The following TULP4 variants were observed in gnomAD, a reference collection of about 807,000 sequenced individuals.
The protein encoded by TULP4 is TUB like protein 4.
Under a neutral mutation model 129.0 loss-of-function variants are expected in TULP4, and 16 were observed. The observed-to-expected ratio is 0.12, with a 90% CI of 0.08 to 0.19. The LOEUF is 0.19. Among genes scored for constraint, TULP4 ranks in the 10% least tolerant of loss-of-function variants. The pLI is 1.00. For synonymous variants in TULP4, 998 were observed against 854.0 expected (o/e 1.17, Z -2.94); for missense variants, 1,842 against 2,059.1 (o/e 0.89, Z 2.04).
intron 1 of TULP4, among the ~76,000 whole-genome samples, chr6:158,349,858 C>A (rs1425298550): frequency 7.3e-6 from 1 of 136,876 alleles, no homozygotes. Context: ...TCCTCACCTC[C>A]CAGACGGGGC....
intron 3 of TULP4, among the ~76,000 whole-genome samples, chr6:158,430,130 A>C (rs1387820362): frequency 1.3e-5 from 2 of 152,236 alleles, no homozygotes; most frequent in Admixed American, 6.5e-5. Context: ...TAATTATATA[A>C]AATGTTCATA....
intron 4 of TULP4, among the ~76,000 whole-genome samples, chr6:158,450,579 A>T (rs1265635382): frequency 6.6e-6 from 1 of 152,192 alleles, no homozygotes; most frequent in Admixed American, 6.5e-5. Context: ...AAAGCAATTT[A>T]GGAATTAACC....
chr6:158,376,202 G>A (rs147099850), intron 1 of TULP4, among the ~76,000 whole-genome samples: 6 of 152,306 alleles, frequency 3.9e-5, no homozygotes, highest in Admixed American at 6.5e-5. Flanking sequence ...TTAAAAAAGC[G>A]GTAACCATTT....
In TULP4 at chr6:158,327,144, A is replaced by G. The variant is rs146397508; in HGVS notation, c.252+12876A>G. ...GTTGTAAGGATTCAGTGGTTACTAT[A>G]GCCATTTAGAAAAGTGGCTGGCACA... On this transcript the variant is annotated intron_variant, in intron 1 of 13. Coordinates refer to ENST00000367097, the MANE Select transcript of TULP4 (RefSeq NM_020245.5). Among the ~76,000 whole-genome samples the G allele has an allele frequency of 3.8e-4, 58 of 152,276 alleles. 1 individual carries two copies. The highest frequency in any genetic ancestry group is 1.0e-3 in the Admixed American group (16 of 15,298).
chr6:158,482,541 G>A (rs1186865452), intron 8 of TULP4, among the ~76,000 whole-genome samples: 1 of 152,200 alleles, frequency 6.6e-6, no homozygotes, highest in East Asian at 1.9e-4. Context: ...TCAGGAGGAA[G>A]GAAGGCACAG....
intron 12 of TULP4, 43 bp from the exon 13 acceptor site, chr6:158,501,635 G>C: frequency 6.4e-7 from 1 of 1,566,878 alleles, no homozygotes; most frequent in Non-Finnish European, 8.7e-7. Flanking sequence ...TGGTTTAATG[G>C]CAGTGTTTTT....
intron 6 of TULP4, among the ~76,000 whole-genome samples, chr6:158,467,175 C>G (rs1779571775): frequency 1.3e-5 from 2 of 152,048 alleles, no homozygotes; most frequent in Admixed American, 6.5e-5. Flanking sequence ...TTTTTACCTC[C>G]TAGATATCTT....
chr6:158,367,453 A>G (rs1310996625), intron 1 of TULP4, among the ~76,000 whole-genome samples: 2 of 152,264 alleles, frequency 1.3e-5, no homozygotes, highest in Non-Finnish European at 2.9e-5. Flanking sequence ...AACTGCAGTT[A>G]GCATTTTTTG....
intron 1 of TULP4, among the ~76,000 whole-genome samples, chr6:158,375,236 T>TC (rs1777158090): frequency 6.6e-6 from 1 of 152,196 alleles, no homozygotes; most frequent in Non-Finnish European, 1.5e-5. Flanking sequence ...AGAGTGAGAC[T>TC]CCATCTCAGA....
chr6:158,482,079 G>C (rs1019094785), intron 8 of TULP4, among the ~76,000 whole-genome samples: 5 of 152,240 alleles, frequency 3.3e-5, no homozygotes, highest in Non-Finnish European at 7.3e-5. Flanking sequence ...GCTGAATCCT[G>C]TGGGCCTGGG....
upstream of TULP4, among the ~76,000 whole-genome samples, chr6:158,308,613 G>A (rs1413348428): frequency 2.1e-4 from 32 of 151,002 alleles, no homozygotes; most frequent in African/African-American, 4.4e-4. Context: ...CGGACGGGGC[G>A]GCTGGTCGGG....
intron 3 of TULP4, among the ~76,000 whole-genome samples, chr6:158,445,589 G>T (rs1779017052): frequency 6.6e-6 from 1 of 152,134 alleles, no homozygotes; most frequent in South Asian, 2.1e-4. Context: ...ATGCTGTGGG[G>T]GCCGTGGTTA....
At chr6:158,418,265 C>A (rs55701975) in intron 2 of TULP4, among the ~76,000 whole-genome samples, 1,801 of 151,990 alleles carry the variant, frequency 0.012, 34 homozygotes, top group Non-Finnish European at 0.015. Flanking sequence ...CATCACCACA[C>A]CCGGCTATTT....
chr6:158,269,380 TAAAAA>T (rs10583634), intron 1 of TULP4, among the ~76,000 whole-genome samples: 229 of 131,066 alleles, frequency 1.7e-3, no homozygotes, highest in Admixed American at 2.3e-3. Context: ...TCAGCATTTG[TAAAAA>T]AAAAAAAAAA....
At chr6:158,326,976 G>A (rs2128490066) in intron 1 of TULP4, among the ~76,000 whole-genome samples, 1 of 152,238 alleles carries the variant, frequency 6.6e-6, no homozygotes, top group East Asian at 1.9e-4. Context: ...AAGTTCTTGT[G>A]GGCTGACTGC....
chr6:158,365,866 T>G (rs976764148), intron 1 of TULP4, among the ~76,000 whole-genome samples: 2 of 140,214 alleles, frequency 1.4e-5, no homozygotes, highest in African/African-American at 5.2e-5. Context: ...TGAGTTTTGG[T>G]TCGTTTTTCT....
chr6:158,328,876 G>A (rs1273292478), intron 1 of TULP4, among the ~76,000 whole-genome samples: 1 of 152,204 alleles, frequency 6.6e-6, no homozygotes, highest in East Asian at 1.9e-4. Context: ...AACAGCGAGG[G>A]TTTTAGTCAG....
At chr6:158,376,979 G>A (rs1340047107) in intron 1 of TULP4, among the ~76,000 whole-genome samples, 1 of 152,216 alleles carries the variant, frequency 6.6e-6, no homozygotes, top group African/African-American at 2.4e-5. Flanking sequence ...AAAACTGCTT[G>A]TCTGAGACAC....
chr6:158,361,320 G>T (rs1780783671), intron 1 of TULP4, among the ~76,000 whole-genome samples: 1 of 152,210 alleles, frequency 6.6e-6, no homozygotes, highest in Non-Finnish European at 1.5e-5. Flanking sequence ...CAGACCCACT[G>T]ATTATTCTAA....
Sources: allele counts gnomAD v4.1 joint callset (sites outside exome capture counted in the v4.1 genomes callset), GRCh38; gene constraint gnomAD v4.1.1; transcripts MANE v1.5; gene names NCBI Gene and HGNC (gene_info 2026-07-23, HGNC 2026-07-21).